SLC11A2: variants seen among roughly 807,000 people sequenced by gnomAD.
The protein encoded by SLC11A2 is natural resistance-associated macrophage protein 2.
In SLC11A2, 38 loss-of-function variants were observed where a neutral mutation model predicts 68.0. That is an observed-to-expected ratio of 0.56 (90% CI 0.43 to 0.73). The LOEUF (loss-of-function observed/expected upper bound fraction) is 0.73, where lower values mean the gene tolerates loss of function less well. SLC11A2 is among the 30% of genes least tolerant of loss of function. SLC11A2 has a pLI of 0.00. For missense variants in SLC11A2, 517 were observed against 690.5 expected, an observed-to-expected ratio of 0.75 and a Z score of 2.82; for synonymous variants, 242 against 250.6, an observed-to-expected ratio of 0.97 and a Z score of 0.32.
At chr12:50,956,865 A>G in the SLC11A2 span, among the ~76,000 whole-genome samples, 1 of 152,264 alleles carries the variant, frequency 6.6e-6, no homozygotes, top group Non-Finnish European at 1.5e-5. Flanking sequence ...CAGAGCAGGA[A>G]GCATGTTCAG....
At chr12:51,027,548 C>G (rs1944441021), upstream of SLC11A2, among the ~76,000 whole-genome samples, 1 of 152,102 alleles carries the variant, frequency 6.6e-6, no homozygotes, top group Non-Finnish European at 1.5e-5. Flanking sequence ...TCTCCCCAGA[C>G]TTCATCCTAC....
chr12:51,002,140 G>A (rs1942302516), intron 5 of SLC11A2, among the ~76,000 whole-genome samples: 1 of 152,112 alleles, frequency 6.6e-6, no homozygotes, highest in African/African-American at 2.4e-5. Context: ...TTGAGCCCAG[G>A]AGTTCAAGCC....
the SLC11A2 span, among the ~76,000 whole-genome samples, chr12:50,962,016 A>C: frequency 6.6e-6 from 1 of 152,184 alleles, no homozygotes; most frequent in Non-Finnish European, 1.5e-5. Context: ...CCCTACCCTT[A>C]AACAGTTTAG....
At chr12:50,963,692 C>T in the SLC11A2 span, among the ~76,000 whole-genome samples, 1 of 152,230 alleles carries the variant, frequency 6.6e-6, no homozygotes, top group African/African-American at 2.4e-5. Flanking sequence ...AAAACTGTAC[C>T]GCAACAGTGT....
At chr12:51,017,320 T>C (rs929414153) in intron 1 of SLC11A2, among the ~76,000 whole-genome samples, 14 of 152,226 alleles carry the variant, frequency 9.2e-5, no homozygotes, top group Admixed American at 3.9e-4. Context: ...CGATCTATCA[T>C]GTATAGATAG....
rs118034836 is a variant in SLC11A2 at position 50,991,669 on chromosome 12, G to A, written c.1351C>T (p.Pro451Ser). Reference protein sequence around the residue: ...FLNVLQSLQLPFALIPILTFT... With the variant: ...FLNVLQSLQLSFALIPILTFT... ...GTGAGGATGGGTATGAGAGCAAAGGGAAGCTGGAAAAGAAAGAAGATCAGA... is the reference window on the plus strand; with the variant it reads ...GTGAGGATGGGTATGAGAGCAAAGGAAAGCTGGAAAAGAAAGAAGATCAGA... The change falls in exon 14 of 16, where the codon CCC becomes TCC. Residue 451 changes from proline (P) to serine (S), a missense_variant. Physicochemically the swap from Pro to Ser is moderately conservative, Grantham distance 74. Transcript: ENST00000262052. The A allele has an allele frequency of 8.1e-6, 13 of 1,613,606 alleles. No individual in the cohort carries two copies. In the East Asian group the frequency reaches 2.9e-4, roughly 36 times the overall value.
At chr12:51,005,285 G>A (rs770834457) in intron 4 of SLC11A2, 26 bp downstream of exon 4, 3 of 1,612,892 alleles carry the variant, frequency 1.9e-6, no homozygotes, top group Non-Finnish European at 2.5e-6. Context: ...GTGCTTAAAA[G>A]GACAGGGGTA....
chr12:50,964,230 C>T, the SLC11A2 span, among the ~76,000 whole-genome samples: 3 of 152,230 alleles, frequency 2.0e-5, no homozygotes, highest in Non-Finnish European at 4.4e-5. Flanking sequence ...TCTGTTTCTG[C>T]AGCTGGTCAG....
At chr12:50,979,178 T>C (rs1592280546), downstream of SLC11A2, among the ~76,000 whole-genome samples, 1 of 152,166 alleles carries the variant, frequency 6.6e-6, no homozygotes, top group East Asian at 1.9e-4. Flanking sequence ...TAAATATTCT[T>C]AACTTAGAAA....
At chr12:50,974,653 T>C (rs1939825725), downstream of SLC11A2, among the ~76,000 whole-genome samples, 1 of 152,152 alleles carries the variant, frequency 6.6e-6, no homozygotes, top group Non-Finnish European at 1.5e-5. Context: ...TAACCTTAAA[T>C]GTAAATGGGC....
chr12:51,026,606 C>A (rs1944407652), upstream of SLC11A2, among the ~76,000 whole-genome samples: 1 of 152,016 alleles, frequency 6.6e-6, no homozygotes, highest in Non-Finnish European at 1.5e-5. Context: ...TTGGCCAGAC[C>A]CACACAGCCC....
At chr12:50,960,865 A>T in the SLC11A2 span, 1 of 942,654 alleles carries the variant, frequency 1.1e-6, no homozygotes, top group Non-Finnish European at 1.5e-6. Flanking sequence ...TTTTTTTTAG[A>T]GATGGGGTCT....
Position 51,005,365 on chromosome 12 carries a change from C to A in SLC11A2, c.255G>T (p.Leu85=), listed in dbSNP as rs17216072. Residue 85 remains leucine (L), a synonymous_variant, in exon 4 of 16, where the codon CTG becomes CTT. Transcript: ENST00000262052. ...GPGFLMSIAY[L]DPGNIESDLQ... ...AATCGGATTCAATATTTCCTGGATC[C>A]AGGTAGGCAATGCTCATAAGAAAAC... 1,075 of 1,613,944 alleles carry A rather than the reference C, an allele frequency of 6.7e-4. 11 individuals are homozygous for A. In the East Asian group the frequency reaches 0.019, roughly 29 times the overall value.
chr12:50,955,239 G>C, the SLC11A2 span, among the ~76,000 whole-genome samples: 1 of 152,172 alleles, frequency 6.6e-6, no homozygotes, highest in Non-Finnish European at 1.5e-5. Flanking sequence ...GTTGGGTGCA[G>C]AGCGAGACTC....
At position 51,025,997 on chromosome 12, in the gene SLC11A2, G is replaced by C. The variant is rs553147935; in HGVS notation, c.-39+313C>G. The stretch of plus-strand genomic sequence containing the variant: ...GCGCACCCCGACACAGGCCGGGCGC[G>C]CCATCCGGTGCAGCTGGGAGCTGGG... On this transcript the variant is annotated intron_variant, in intron 1 of 15. Transcript: ENST00000262052. 556 of 1,017,606 alleles carry C rather than the reference G, an allele frequency of 5.5e-4. 2 individuals are homozygous for C. Among genetic ancestry groups the C allele is most frequent in the Admixed American group, 5.0e-3 (82 of 16,400 alleles). 63.0% of individuals were successfully genotyped at this position (1,017,606 alleles called of 1,614,324 possible). A position where few individuals can be genotyped will look rare whatever the true frequency, so the allele number is the denominator to read the frequency against.
intron 1 of SLC11A2, among the ~76,000 whole-genome samples, chr12:51,015,858 A>T (rs1051112890): frequency 1.3e-5 from 2 of 152,212 alleles, no homozygotes; most frequent in African/African-American, 4.8e-5. Flanking sequence ...AATGGCACTC[A>T]TGGTTAAATG....
At chr12:51,023,676 A>G (rs986202220) in intron 1 of SLC11A2, among the ~76,000 whole-genome samples, 1 of 152,158 alleles carries the variant, frequency 6.6e-6, no homozygotes, top group Non-Finnish European at 1.5e-5. Context: ...CATGCCTCTC[A>G]GGGAAAAACA....
At chr12:50,972,781 TC>T in the SLC11A2 span, among the ~76,000 whole-genome samples, 2 of 152,300 alleles carry the variant, frequency 1.3e-5, no homozygotes, top group South Asian at 4.1e-4. Context: ...GAAAATCGGG[TC>T]ACTCCCACCC....
chr12:50,969,377 G>T, the SLC11A2 span, among the ~76,000 whole-genome samples: 1 of 152,002 alleles, frequency 6.6e-6, no homozygotes, highest in Non-Finnish European at 1.5e-5. Context: ...TGGAAAGTTT[G>T]GAGACCACCT....
Sources: allele counts gnomAD v4.1 joint callset (sites outside exome capture counted in the v4.1 genomes callset), GRCh38; gene constraint gnomAD v4.1.1; transcripts MANE v1.5; gene names NCBI Gene and HGNC (gene_info 2026-07-23, HGNC 2026-07-21).